LY6S: variants seen among roughly 807,000 people sequenced by gnomAD.
The protein encoded by LY6S is lymphocyte antigen 6S.
chr8:143,070,987 G>A, the LY6S span, among the ~76,000 whole-genome samples: 2 of 152,140 alleles, frequency 1.3e-5, no homozygotes, highest in Middle Eastern at 3.2e-3. Context: ...GTGGGGAAAG[G>A]AAGGTCACTT....
the LY6S span, among the ~76,000 whole-genome samples, chr8:143,050,635 G>T: frequency 6.6e-6 from 1 of 152,146 alleles, no homozygotes; most frequent in South Asian, 2.1e-4. Context: ...AAAAACCTGT[G>T]GTACCCTTAA....
At chr8:143,050,367 C>T in the LY6S span, among the ~76,000 whole-genome samples, 4 of 151,808 alleles carry the variant, frequency 2.6e-5, no homozygotes, top group African/African-American at 7.3e-5. Flanking sequence ...TTTTAGTAGA[C>T]GCGGGGTTTC....
the LY6S span, among the ~76,000 whole-genome samples, chr8:143,051,300 G>A: frequency 5.3e-5 from 8 of 152,188 alleles, no homozygotes; most frequent in Non-Finnish European, 7.3e-5. Flanking sequence ...CAGCACTTTA[G>A]GAGGCCAAGG....
At chr8:143,067,685 C>A in the LY6S span, among the ~76,000 whole-genome samples, 47 of 152,288 alleles carry the variant, frequency 3.1e-4, no homozygotes, top group African/African-American at 1.1e-3. Flanking sequence ...TGTGGCAGGA[C>A]AACAGGGTGA....
chr8:143,070,110 G>A, the LY6S span, among the ~76,000 whole-genome samples: 2 of 151,904 alleles, frequency 1.3e-5, no homozygotes, highest in African/African-American at 4.8e-5. Context: ...TTGGCATGCA[G>A]ATGGCATCTG....
chr8:143,057,139 T>C, the LY6S span: 5 of 361,152 alleles, frequency 1.4e-5, no homozygotes, highest in East Asian at 8.1e-5. Flanking sequence ...CCAAATCTTG[T>C]TGGTTTCTGT....
chr8:143,066,148 A>ATTTCTTTTCTTTTCC, the LY6S span: 5 of 252,656 alleles, frequency 2.0e-5, no homozygotes, highest in Non-Finnish European at 7.3e-6. Context: ...CCAATGATGA[A>ATTTCTTTTCTTTTCC]TTTCTTTTCT....
the LY6S span, among the ~76,000 whole-genome samples, chr8:143,066,775 T>C: frequency 6.6e-6 from 1 of 152,216 alleles, no homozygotes; most frequent in Non-Finnish European, 1.5e-5. Flanking sequence ...AACCTGGGAC[T>C]GCAGGCTTTT....
At chr8:143,054,250 G>A in the LY6S span, 1 of 142,144 alleles carries the variant, frequency 7.0e-6, no homozygotes, top group African/African-American at 2.6e-5. Flanking sequence ...TTTGCAGTGA[G>A]CTGAGATGGT....
the LY6S span, among the ~76,000 whole-genome samples, chr8:143,069,012 C>T: frequency 3.2e-4 from 48 of 152,146 alleles, no homozygotes; most frequent in Non-Finnish European, 6.3e-4. Flanking sequence ...GTTCCTGCCT[C>T]TGAGTCAATA....
the LY6S span, among the ~76,000 whole-genome samples, chr8:143,072,521 T>C: frequency 9.3e-3 from 834 of 89,706 alleles, 8 homozygotes; most frequent in Non-Finnish European, 0.013. Context: ...TCCTCGGGAT[T>C]CCTGTTTGAG....
chr8:143,044,048 G>A, the LY6S span: 3 of 414,480 alleles, frequency 7.2e-6, no homozygotes, highest in South Asian at 1.7e-5. Context: ...AGAGCTGAGG[G>A]TGCTGAGGGT....
At chr8:143,064,835 C>T in the LY6S span, among the ~76,000 whole-genome samples, 4 of 152,182 alleles carry the variant, frequency 2.6e-5, no homozygotes, top group African/African-American at 7.2e-5. Context: ...TCTGGAGTGT[C>T]GTCTGGATTT....
chr8:143,045,117 G>A, the LY6S span, among the ~76,000 whole-genome samples: 1 of 152,144 alleles, frequency 6.6e-6, no homozygotes, highest in Admixed American at 6.5e-5. This position sits in a 1 kb window ranked among gnomAD's most constrained non-coding sequence, Gnocchi z 5.3. Context: ...CAAGCACAGA[G>A]CAGGCACCAA....
At chr8:143,063,792 T>C in the LY6S span, among the ~76,000 whole-genome samples, 4 of 152,344 alleles carry the variant, frequency 2.6e-5, no homozygotes, top group Admixed American at 2.6e-4. Flanking sequence ...TTGCTCAGCC[T>C]GTCCGCTGTC....
At chr8:143,072,575 G>A in the LY6S span, among the ~76,000 whole-genome samples, 2 of 106,324 alleles carry the variant, frequency 1.9e-5, no homozygotes, top group Non-Finnish European at 3.6e-5. Context: ...GGAGACAGCC[G>A]TCGTCCTCGG....
chr8:143,058,629 G>C, the LY6S span, among the ~76,000 whole-genome samples: 10 of 152,328 alleles, frequency 6.6e-5, 1 homozygote, highest in South Asian at 2.1e-3. Flanking sequence ...GGATAACTGC[G>C]GGCCGGTCTG....
chr8:143,074,529 ATTAT>A, the LY6S span, among the ~76,000 whole-genome samples: 21 of 152,152 alleles, frequency 1.4e-4, no homozygotes, highest in South Asian at 8.3e-4. Context: ...ACTTATTTTT[ATTAT>A]TTATTTTATT....
chr8:143,058,903 C>T, the LY6S span, among the ~76,000 whole-genome samples: 1 of 152,212 alleles, frequency 6.6e-6, no homozygotes. Flanking sequence ...TCACTATGTC[C>T]CCTCAGCTCC....
Sources: gnomAD v4.1 joint callset for allele counts (sites outside exome capture counted in the v4.1 genomes callset) on GRCh38, gnomAD v4.1.1 for gene constraint, Gnocchi (gnomAD v3.1) non-coding constraint, MANE v1.5 for transcripts, NCBI Gene and HGNC (gene_info 2026-07-23, HGNC 2026-07-21) for gene names.